CLSPN: variants seen among roughly 807,000 people sequenced by gnomAD.
CLSPN encodes claspin, also known as claspin homolog.
In CLSPN, 85 loss-of-function variants were observed where a neutral mutation model predicts 156.3. That is an observed-to-expected ratio of 0.54 (90% CI 0.46 to 0.65). CLSPN has a LOEUF of 0.65. CLSPN is among the 30% of genes least tolerant of loss of function. The probability of loss-of-function intolerance (pLI) is 0.00; values close to 1 mark genes in which losing one functional copy is unlikely to be tolerated. For synonymous variants in CLSPN, 534 were observed against 542.4 expected, an observed-to-expected ratio of 0.98 and a Z score of 0.22; for missense variants, 1,407 against 1,554.9, an observed-to-expected ratio of 0.90 and a Z score of 1.60.
Position 35,769,761 on chromosome 1 carries a change from G to A in CLSPN, c.24+86C>T, listed in dbSNP as rs925909112. ...CGCAGTCCTCCCGCCCGGGCGCCTC[G>A]GGTCAGCGGGGTCTACCCCGGCCCC... On this transcript the variant is annotated intron_variant, in intron 1 of 24. Transcript: ENST00000318121. 4.5e-6 allele frequency: 6 copies of A among 1,319,014 alleles called. No individual in the cohort carries two copies. In the East Asian group the frequency reaches 1.4e-4, roughly 31 times the overall value. The allele number at this position is 1,319,014 out of a possible 1,614,324, so 81.7% of individuals were successfully genotyped here. A position where few individuals can be genotyped will look rare whatever the true frequency, so the allele number is the denominator to read the frequency against.
At chr1:35,755,133 G>A (rs1642228256) in intron 8 of CLSPN, among the ~76,000 whole-genome samples, 1 of 152,198 alleles carries the variant, frequency 6.6e-6, no homozygotes, top group East Asian at 1.9e-4. Context: ...TCGCTTTGTC[G>A]CCCAGGCTGG....
chr1:35,739,105 T>C (rs180905807), intron 20 of CLSPN, 31 bp downstream of exon 20: 2 of 1,613,894 alleles, frequency 1.2e-6, no homozygotes, highest in African/African-American at 1.3e-5. Context: ...AGCCCGTAAC[T>C]GATTGCTTTT....
At chr1:35,741,770 C>T (rs1164152159) in intron 18 of CLSPN, among the ~76,000 whole-genome samples, 2 of 151,390 alleles carry the variant, frequency 1.3e-5, no homozygotes, top group Non-Finnish European at 2.9e-5. Context: ...GTCAAGAGAT[C>T]GAGACCATCC....
intron 8 of CLSPN, among the ~76,000 whole-genome samples, chr1:35,755,466 T>C (rs986898306): frequency 6.6e-6 from 1 of 151,942 alleles, no homozygotes; most frequent in Non-Finnish European, 1.5e-5. Context: ...AGAGATGGGG[T>C]TTCACCATGT....
chr1:35,749,588 G>A (rs1344117343), intron 11 of CLSPN, 45 bp downstream of exon 11: 2 of 1,613,564 alleles, frequency 1.2e-6, no homozygotes, highest in Non-Finnish European at 8.5e-7. Context: ...TACAGGAGGG[G>A]CAAATCCAAG....
At chr1:35,731,804 C>T (rs377547256), downstream of CLSPN, among the ~76,000 whole-genome samples, 38 of 152,264 alleles carry the variant, frequency 2.5e-4, no homozygotes, top group African/African-American at 8.4e-4. Context: ...GTACCTTTTA[C>T]TGAAATGGCA....
intron 12 of CLSPN, among the ~76,000 whole-genome samples, chr1:35,749,196 G>C (rs568255766): frequency 6.6e-6 from 1 of 151,924 alleles, no homozygotes. Flanking sequence ...TCAATTATAC[G>C]TCTTCCTTTG....
intron 8 of CLSPN, among the ~76,000 whole-genome samples, chr1:35,756,813 T>C (rs1642286806): frequency 6.6e-6 from 1 of 152,204 alleles, no homozygotes; most frequent in African/African-American, 2.4e-5. Flanking sequence ...GTTTTTACTC[T>C]TAACCCCTTC....
rs750130664 is a variant in CLSPN, at chr1:35,736,533, C to T, written c.3983G>A (p.Gly1328Glu). 1.9e-6 allele frequency: 3 copies of T among 1,610,138 alleles called. No homozygotes were observed. The highest frequency in any genetic ancestry group is 1.7e-6 in the Non-Finnish European group (2 of 1,178,566). Residue 1328 changes from glycine to glutamate, a missense_variant, in exon 25 of 25, where the codon GGA becomes GAA. By Grantham distance (98) the Gly-to-Glu change is moderately conservative. Coordinates refer to ENST00000318121, the MANE Select transcript of CLSPN (RefSeq NM_022111.4). ...ATATTTGAAGATGCTTCGCGTCAAT[C>T]CTGAAGTGCTATCATCTGTTTTGAG... ...KHLKTDDSTS[G>E]LTRSIFKYLE...
chr1:35,763,104 T>C (rs1642539562), intron 4 of CLSPN, 56 bp downstream of exon 4: 2 of 1,342,664 alleles, frequency 1.5e-6, no homozygotes, highest in African/African-American at 1.5e-5. Context: ...AAATTAAAAA[T>C]ATAGCAAAGG....
chr1:35,740,242 G>A (rs895908428), intron 18 of CLSPN, among the ~76,000 whole-genome samples: 2 of 152,056 alleles, frequency 1.3e-5, no homozygotes, highest in African/African-American at 4.8e-5. Flanking sequence ...GAAGACTAAG[G>A]CTCAGAGCTC....
At chr1:35,723,173 T>A (rs545804671) in intron 24 of CLSPN, among the ~76,000 whole-genome samples, 1 of 152,270 alleles carries the variant, frequency 6.6e-6, no homozygotes, top group African/African-American at 2.4e-5. Context: ...AGAGAATAAT[T>A]CACCCCCAAG....
chr1:35,728,991 G>C (rs1641256568), downstream of CLSPN, among the ~76,000 whole-genome samples: 1 of 133,936 alleles, frequency 7.5e-6, no homozygotes, highest in Admixed American at 7.9e-5. Flanking sequence ...CGCCTTTCCT[G>C]CTGGGCCCCC....
intron 8 of CLSPN, 90 bp from the exon 9 acceptor site, chr1:35,754,026 A>C (rs1642188375): frequency 1.7e-6 from 2 of 1,166,664 alleles, no homozygotes; most frequent in Non-Finnish European, 2.4e-6. Flanking sequence ...TTAGCTCAAC[A>C]ATTATGAGGG....
intron 1 of CLSPN, among the ~76,000 whole-genome samples, chr1:35,767,867 A>G (rs1264715069): frequency 6.6e-6 from 1 of 152,206 alleles, no homozygotes; most frequent in Non-Finnish European, 1.5e-5. Flanking sequence ...ATTTCTAAAT[A>G]AGACAGTTTA....
rs1642814823 is a variant in CLSPN, at chr1:35,769,967, T to C, written c.-97A>G. The C allele has an allele frequency of 6.9e-7, 1 of 1,454,192 alleles. No homozygotes were observed. Among genetic ancestry groups the C allele is most frequent in the Non-Finnish European group, 9.5e-7 (1 of 1,055,032 alleles). The allele number at this position is 1,454,192 out of a possible 1,614,324, so 90.1% of individuals were successfully genotyped here. A position where few individuals can be genotyped will look rare whatever the true frequency, so the allele number is the denominator to read the frequency against. On this transcript the variant is annotated 5_prime_UTR_variant, in exon 1 of 25. Transcript: ENST00000318121. ...CCCGCCGTCTCCAGCCCAGCAGTGCTGTTCTTGCTTTCCCGCCCAGCCAGA... is the reference window on the plus strand; with the variant it reads ...CCCGCCGTCTCCAGCCCAGCAGTGCCGTTCTTGCTTTCCCGCCCAGCCAGA...
At chr1:35,737,246 C>T in intron 23 of CLSPN, 93 bp downstream of exon 23, 8 of 1,305,042 alleles carry the variant, frequency 6.1e-6, no homozygotes, top group Non-Finnish European at 8.8e-6. Flanking sequence ...CAGCCACCTC[C>T]TTCCTCTAAT....
At chr1:35,750,553 C>T (rs2148619881) in intron 10 of CLSPN, among the ~76,000 whole-genome samples, 1 of 152,032 alleles carries the variant, frequency 6.6e-6, no homozygotes, top group African/African-American at 2.4e-5. Flanking sequence ...CCACCACACA[C>T]AGCTAATTTT....
chr1:35,741,881 G>A (rs1641703516), intron 18 of CLSPN, among the ~76,000 whole-genome samples: 1 of 146,178 alleles, frequency 6.8e-6, no homozygotes, highest in South Asian at 2.2e-4. Context: ...GCTGAAGCAG[G>A]AGAATCGCTT....
Sources: allele counts gnomAD v4.1 joint callset (sites outside exome capture counted in the v4.1 genomes callset), GRCh38; gene constraint gnomAD v4.1.1; transcripts MANE v1.5; gene names NCBI Gene and HGNC (gene_info 2026-07-23, HGNC 2026-07-21).